The following TCF12 variants were observed in gnomAD, a reference collection of about 807,000 sequenced individuals.
The protein encoded by TCF12 is transcription factor 12.
A neutral mutation model predicts 86.0 loss-of-function variants in TCF12; 45 were observed. The observed-to-expected ratio is 0.52, with a 90% CI of 0.41 to 0.67. The LOEUF (loss-of-function observed/expected upper bound fraction) is 0.67. Ranked by LOEUF, TCF12 falls within the 30% of genes least tolerant of loss-of-function variation. TCF12 has a pLI of 0.00. For synonymous variants in TCF12, 330 were observed against 299.6 expected (o/e 1.10, Z -1.05); for missense variants, 881 against 859.9 (o/e 1.02, Z -0.31).
intron 4 of TCF12, among the ~76,000 whole-genome samples, chr15:57,079,987 A>C (rs1374053844): frequency 6.6e-6 from 1 of 152,212 alleles, no homozygotes; most frequent in Non-Finnish European, 1.5e-5. Context: ...CGCTTTCTCA[A>C]ATTAAAACAG....
At chr15:57,043,138 A>AT (rs1242307040) in intron 3 of TCF12, among the ~76,000 whole-genome samples, 6 of 151,686 alleles carry the variant, frequency 4.0e-5, no homozygotes, top group South Asian at 2.1e-4. Flanking sequence ...CATTTTCTTT[A>AT]TTTTTTTCAT....
rs552811745 is a variant in TCF12, at chr15:57,152,199, C to T, written c.326-14203C>T. ...CCTTATATGGAAAGAGGCATACCCA[C>T]TTCCAGGCCTAAATATACTACTGTT... On this transcript the variant is annotated intron_variant, in intron 5 of 20. Coordinates refer to ENST00000333725, the MANE Select transcript of TCF12 (RefSeq NM_207037.2). 2.0e-5 allele frequency among the ~76,000 whole-genome samples: 3 copies of T among 152,336 alleles called. 1 individual carries two copies. The highest frequency in any genetic ancestry group is 4.1e-4 in the South Asian group (2 of 4,826).
rs566826289 is a variant in TCF12 at position 57,203,585 on chromosome 15, G to T, written c.579+5760G>T. On this transcript the variant is annotated intron_variant, in intron 8 of 20. Transcript: ENST00000333725. ...AATATTAACTCTGCATCAAAATGAC[G>T]TGTCTTACAAGTTTTGAATGTAACT... is the stretch of plus-strand genomic sequence containing the variant. 8.5e-5 allele frequency among the ~76,000 whole-genome samples: 13 copies of T among 152,236 alleles called. No individual in the cohort carries two copies. In the South Asian group the frequency reaches 1.9e-3, roughly 22 times the overall value.
At chr15:57,194,726 C>T (rs1471813380) in intron 7 of TCF12, among the ~76,000 whole-genome samples, 1 of 152,102 alleles carries the variant, frequency 6.6e-6, no homozygotes, top group African/African-American at 2.4e-5. Context: ...TAGGCACTCC[C>T]CTAAGCGTCT....
chr15:57,189,501 G>C (rs1184050329), intron 6 of TCF12, among the ~76,000 whole-genome samples: 1 of 152,194 alleles, frequency 6.6e-6, no homozygotes, highest in African/African-American at 2.4e-5. Flanking sequence ...AATATCATTA[G>C]TCATTAGGGT....
intron 5 of TCF12, among the ~76,000 whole-genome samples, chr15:57,110,074 C>G (rs1489163323): frequency 6.6e-6 from 1 of 151,838 alleles, no homozygotes; most frequent in African/African-American, 2.4e-5. Context: ...CCTAAATTAC[C>G]CAGCAAGTTG....
At chr15:57,237,148 A>AGTGTGTGTGT (rs59704193) in intron 12 of TCF12, among the ~76,000 whole-genome samples, 1 of 146,060 alleles carries the variant, frequency 6.8e-6, no homozygotes, top group South Asian at 2.2e-4. Flanking sequence ...AGAGAGAGAG[A>AGTGTGTGTGT]GTGTGTGTGT....
intron 3 of TCF12, among the ~76,000 whole-genome samples, chr15:57,048,238 T>G (rs1424412824): frequency 1.3e-5 from 2 of 151,768 alleles, no homozygotes; most frequent in African/African-American, 2.4e-5. Context: ...CCTGAAGTTT[T>G]TTTGTTTGTT....
intron 8 of TCF12, among the ~76,000 whole-genome samples, chr15:57,228,533 C>T (rs2093666472): frequency 6.6e-6 from 1 of 151,976 alleles, no homozygotes; most frequent in Non-Finnish European, 1.5e-5. Context: ...GTGCCATTTT[C>T]TCCATACAAC....
intron 3 of TCF12, among the ~76,000 whole-genome samples, chr15:56,970,236 C>T (rs1442390208): frequency 2.0e-5 from 3 of 152,060 alleles, no homozygotes; most frequent in Non-Finnish European, 4.4e-5. Flanking sequence ...AATCCCAGCA[C>T]TTTGGGAAGC....
chr15:57,231,068 C>T, intron 8 of TCF12, 84 bp from the exon 9 acceptor site: 1 of 992,902 alleles, frequency 1.0e-6, no homozygotes. Flanking sequence ...CCTTTTTAAG[C>T]CCCTTACAGA....
chr15:57,078,592 C>G (rs900662214), intron 4 of TCF12, among the ~76,000 whole-genome samples: 2 of 152,120 alleles, frequency 1.3e-5, no homozygotes, highest in Non-Finnish European at 2.9e-5. Context: ...CACATATATA[C>G]ATATGCATTA....
chr15:57,012,687 T>C (rs1452906785), intron 3 of TCF12, among the ~76,000 whole-genome samples: 1 of 152,326 alleles, frequency 6.6e-6, no homozygotes, highest in East Asian at 1.9e-4. Context: ...CAGCTGGACT[T>C]CAATTTCTAG....
At chr15:57,076,387 G>A (rs1014939909) in intron 4 of TCF12, among the ~76,000 whole-genome samples, 4 of 152,058 alleles carry the variant, frequency 2.6e-5, no homozygotes, top group Admixed American at 2.6e-4. Flanking sequence ...GCCGGGCACG[G>A]TGGCTCACAC....
At chr15:57,020,789 G>A (rs1441033935) in intron 3 of TCF12, among the ~76,000 whole-genome samples, 1 of 152,148 alleles carries the variant, frequency 6.6e-6, no homozygotes, top group Non-Finnish European at 1.5e-5. Flanking sequence ...ACAATGCTAA[G>A]CTTTCTTTTA....
chr15:57,253,392 A>G lies in TCF12; in HGVS notation c.1391A>G (p.His464Arg), dbSNP rs2060207299. ...SDIHSLLGPS[H>R]NAPIGSLNSN... The stretch of plus-strand genomic sequence containing the variant: ...ATACATAGTTTATTGGGACCATCCC[A>G]TAATGCACCAATTGGAAGCCTCAAT... The change falls in exon 16 of 21, where the codon CAT becomes CGT. Residue 464 changes from histidine (H) to arginine (R), a missense_variant. Physicochemically the swap from His to Arg is conservative, Grantham distance 29 (BLOSUM62 0). This residue lies in a region of TCF12 where 766 missense variants were observed against 718.9 expected (regional missense o/e 1.07). Coordinates refer to ENST00000333725, the MANE Select transcript of TCF12 (RefSeq NM_207037.2). 3 of 1,614,126 alleles carry G rather than the reference A, an allele frequency of 1.9e-6. No individual in the cohort carries two copies. The highest frequency in any genetic ancestry group is 2.2e-5 in the East Asian group (1 of 44,868).
At chr15:57,067,847 T>C (rs1236881571) in intron 4 of TCF12, among the ~76,000 whole-genome samples, 4 of 152,192 alleles carry the variant, frequency 2.6e-5, no homozygotes, top group Non-Finnish European at 4.4e-5. Flanking sequence ...GTAAAGCACC[T>C]GAGACTGAAA....
intron 5 of TCF12, among the ~76,000 whole-genome samples, chr15:57,145,741 CTCTT>C (rs1220772053): frequency 1.3e-5 from 2 of 152,128 alleles, no homozygotes; most frequent in African/African-American, 4.8e-5. Context: ...TCCTGATTCT[CTCTT>C]TCTTTGAATC....
intron 6 of TCF12, among the ~76,000 whole-genome samples, chr15:57,168,514 A>G (rs2055069290): frequency 6.6e-6 from 1 of 152,340 alleles, no homozygotes; most frequent in East Asian, 1.9e-4. Context: ...TCCATATCAA[A>G]TGTGGATTGG....
Sources: allele counts gnomAD v4.1 joint callset (sites outside exome capture counted in the v4.1 genomes callset), GRCh38; gene constraint gnomAD v4.1.1; regional missense constraint gnomAD v4.1.1; transcripts MANE v1.5; gene names NCBI Gene and HGNC (gene_info 2026-07-23, HGNC 2026-07-21).